The following GALNT17 variants were observed in gnomAD, a reference collection of about 807,000 sequenced individuals.
GALNT17 encodes polypeptide N-acetylgalactosaminyltransferase 17.
In GALNT17, 29 loss-of-function variants were observed where a neutral mutation model predicts 63.7. The observed-to-expected ratio is 0.46, with a 90% confidence interval of 0.34 to 0.62. The LOEUF (loss-of-function observed/expected upper bound fraction) is 0.62, where lower values mean the gene tolerates loss of function less well. Ranked by LOEUF, GALNT17 falls within the 20% of genes least tolerant of loss-of-function variation. The pLI, the probability that GALNT17 is intolerant of heterozygous loss-of-function variation, is 0.01. For synonymous variants in GALNT17, 305 were observed against 318.3 expected (o/e 0.96, Z 0.45); for missense variants, 603 against 799.6 (o/e 0.75, Z 2.97).
At chr7:71,396,783 CTCTT>C (rs559814237) in intron 3 of GALNT17, among the ~76,000 whole-genome samples, 9 of 152,222 alleles carry the variant, frequency 5.9e-5, no homozygotes, top group Admixed American at 5.9e-4. Flanking sequence ...TGTCTCTAAT[CTCTT>C]TCAACAATGT....
At chr7:71,583,194 A>G (rs1053626687) in intron 6 of GALNT17, among the ~76,000 whole-genome samples, 1 of 152,154 alleles carries the variant, frequency 6.6e-6, no homozygotes. Flanking sequence ...TCCCAGGTTC[A>G]AGCGATTCTC....
intron 9 of GALNT17, among the ~76,000 whole-genome samples, chr7:71,682,078 C>G (rs370803109): frequency 6.6e-6 from 1 of 152,098 alleles, no homozygotes; most frequent in African/African-American, 2.4e-5. Context: ...AGGCGCCCAC[C>G]ACCATGCCCA....
At chr7:71,563,236 CTT>C (rs1434317428) in intron 5 of GALNT17, among the ~76,000 whole-genome samples, 3 of 152,212 alleles carry the variant, frequency 2.0e-5, no homozygotes, top group Non-Finnish European at 2.9e-5. Context: ...TCGCAGTTGA[CTT>C]TGAAGGATGA....
intron 5 of GALNT17, among the ~76,000 whole-genome samples, chr7:71,478,474 C>A (rs59209078): frequency 6.6e-6 from 1 of 151,924 alleles, no homozygotes; most frequent in Non-Finnish European, 1.5e-5. Context: ...CCACCATGCC[C>A]GGCTAATTTT....
rs372504927 is a variant in GALNT17, at chr7:71,684,757, G to C, written c.1500+7451G>C. ...AGCTCGCTGCAGCCTCAAACTCCTG[G>C]GTTCAAGCAACCCTCCTGCTTCAGC... On this transcript the variant is annotated intron_variant, in intron 9 of 10. Transcript: ENST00000333538. 4.3e-4 allele frequency among the ~76,000 whole-genome samples: 66 copies of C among 152,138 alleles called. No individual in the cohort carries two copies. In the East Asian group the frequency reaches 0.013, roughly 29 times the overall value.
At position 71,610,784 on chromosome 7, in the gene GALNT17, A is replaced by G. The variant is rs141800894; in HGVS notation, c.1080+39382A>G. On this transcript the variant is annotated intron_variant, in intron 6 of 10. Transcript: ENST00000333538. ...GCGGATCACCTGAGGTCAGGAGTTC[A>G]AGACCAGCATGGCCAACATGGTGAA... 5.9e-3 allele frequency among the ~76,000 whole-genome samples: 893 copies of G among 152,126 alleles called. 7 individuals carry two copies. Among genetic ancestry groups the G allele is most frequent in the African/African-American group, 0.02 (827 of 41,508 alleles).
intron 5 of GALNT17, among the ~76,000 whole-genome samples, chr7:71,431,164 C>T (rs1227168726): frequency 2.0e-5 from 3 of 150,838 alleles, no homozygotes; most frequent in African/African-American, 7.3e-5. Flanking sequence ...CACATCTATT[C>T]GCTCCTCATT....
intron 5 of GALNT17, among the ~76,000 whole-genome samples, chr7:71,523,465 C>T (rs1347346303): frequency 6.6e-6 from 1 of 151,548 alleles, no homozygotes; most frequent in African/African-American, 2.4e-5. Flanking sequence ...AATGCAGATT[C>T]TTGGCCAGGC....
intron 9 of GALNT17, among the ~76,000 whole-genome samples, chr7:71,679,904 CCCTCCCTCCT>C (rs1791215033): frequency 1.5e-5 from 1 of 68,760 alleles, no homozygotes. Flanking sequence ...CTCCCTCCCT[CCCTCCCTCCT>C]TCTCTCCCTT....
intron 8 of GALNT17, among the ~76,000 whole-genome samples, chr7:71,672,758 C>G (rs1370686892): frequency 4.6e-5 from 7 of 152,098 alleles, no homozygotes; most frequent in East Asian, 1.9e-4. Context: ...GCCATGTTGG[C>G]CAGGCTGCTC....
At chr7:71,570,560 T>C (rs918875000) in intron 5 of GALNT17, among the ~76,000 whole-genome samples, 1 of 152,070 alleles carries the variant, frequency 6.6e-6, no homozygotes, top group Admixed American at 6.5e-5. Context: ...ATCCCATCAC[T>C]CAGCTGTCAA....
At chr7:71,266,556 A>G (rs540112747) in intron 1 of GALNT17, among the ~76,000 whole-genome samples, 1 of 152,138 alleles carries the variant, frequency 6.6e-6, no homozygotes, top group Admixed American at 6.5e-5. Flanking sequence ...AGTCATTTAA[A>G]CCTTTTTCTT....
intron 1 of GALNT17, among the ~76,000 whole-genome samples, chr7:71,265,494 A>G (rs1390319259): frequency 6.6e-6 from 1 of 152,160 alleles, no homozygotes; most frequent in Non-Finnish European, 1.5e-5. Flanking sequence ...TTATGTTGAT[A>G]CCACATAATG....
intron 5 of GALNT17, among the ~76,000 whole-genome samples, chr7:71,467,778 CA>C (rs146413785): frequency 0.02 from 2,976 of 151,752 alleles, 38 homozygotes; most frequent in African/African-American, 0.029. Flanking sequence ...AAAAAACAAA[CA>C]AAAAAACCCT....
At chr7:71,693,445 T>A (rs1329666779) in intron 9 of GALNT17, among the ~76,000 whole-genome samples, 1 of 151,770 alleles carries the variant, frequency 6.6e-6, no homozygotes, top group Non-Finnish European at 1.5e-5. Context: ...ATGTGGTGCA[T>A]ATACATCATG....
At chr7:71,547,062 G>C (rs1194525372) in intron 5 of GALNT17, among the ~76,000 whole-genome samples, 1 of 151,940 alleles carries the variant, frequency 6.6e-6, no homozygotes, top group African/African-American at 2.4e-5. Context: ...TGTGATCCTG[G>C]CTCACTGCAA....
At chr7:71,452,863 A>G (rs1241019188) in intron 5 of GALNT17, among the ~76,000 whole-genome samples, 2 of 152,170 alleles carry the variant, frequency 1.3e-5, no homozygotes, top group Admixed American at 6.6e-5. Context: ...TATGTAAAGT[A>G]TAGTCAGTGT....
intron 1 of GALNT17, among the ~76,000 whole-genome samples, chr7:71,232,711 C>T (rs973927803): frequency 2.0e-5 from 3 of 152,144 alleles, no homozygotes; most frequent in Admixed American, 1.3e-4. Context: ...TGCAGCCGCT[C>T]AGGGTCCGTG....
At chr7:71,554,925 A>T (rs1407784433) in intron 5 of GALNT17, among the ~76,000 whole-genome samples, 1 of 152,204 alleles carries the variant, frequency 6.6e-6, no homozygotes, top group South Asian at 2.1e-4. Flanking sequence ...TATAAAGAAA[A>T]GAGGGTTATT....
Sources: gnomAD v4.1 joint callset for allele counts (sites outside exome capture counted in the v4.1 genomes callset) on GRCh38, gnomAD v4.1.1 for gene constraint, MANE v1.5 for transcripts, NCBI Gene and HGNC (gene_info 2026-07-23, HGNC 2026-07-21) for gene names.